The following DYNLT2B variants were observed in gnomAD, a reference collection of about 807,000 sequenced individuals.
DYNLT2B encodes the protein dynein light chain Tctex-type 2B.
Under a neutral mutation model 19.5 loss-of-function variants are expected in DYNLT2B, and 14 were observed. The ratio of observed to expected loss-of-function variants is 0.72; its 90% CI spans 0.47 to 1.12. The LOEUF is 1.12. Ranked by LOEUF, DYNLT2B falls within the 50% of genes most tolerant of loss-of-function variation. The pLI is 0.00. For missense variants in DYNLT2B, 133 were observed against 174.7 expected (o/e 0.76, Z 1.35); for synonymous variants, 70 against 59.7 (o/e 1.17, Z -0.79).
At chr3:196,295,039 G>T (rs1368867481) in intron 4 of DYNLT2B, among the ~76,000 whole-genome samples, 1 of 152,042 alleles carries the variant, frequency 6.6e-6, no homozygotes, top group African/African-American at 2.4e-5. Flanking sequence ...ACCCCACCTG[G>T]CCTCACTCTC....
rs561380504 is a variant in DYNLT2B at position 196,311,358 on chromosome 3, G to A, written c.248-4346C>T. ...TGAGGCTGCAGTGAGCCAAGACTGCGCCACTGCATTCCAGCCTGGCCAACA... is the reference window on the plus strand; with the variant it reads ...TGAGGCTGCAGTGAGCCAAGACTGCACCACTGCATTCCAGCCTGGCCAACA... On this transcript the variant is annotated intron_variant, in intron 2 of 4. Transcript: ENST00000325318. Among the ~76,000 whole-genome samples the A allele has an allele frequency of 6.6e-5, 10 of 150,660 alleles. No individual in the cohort carries two copies. The South Asian group carries it at 1.5e-3, about 22-fold the overall frequency.
At chr3:196,309,875 G>C (rs762655061) in intron 2 of DYNLT2B, among the ~76,000 whole-genome samples, 1 of 151,218 alleles carries the variant, frequency 6.6e-6, no homozygotes, top group Non-Finnish European at 1.5e-5. Flanking sequence ...TTGAACCTGG[G>C]AGGTGGAGGT....
chr3:196,316,891 G>C (rs1726816683), intron 1 of DYNLT2B, among the ~76,000 whole-genome samples: 1 of 36,988 alleles, frequency 2.7e-5, no homozygotes, highest in Non-Finnish European at 6.2e-5. Context: ...ATTTTTTTCA[G>C]TGTGTGTGTG....
chr3:196,303,254 C>A (rs976377145), intron 3 of DYNLT2B, among the ~76,000 whole-genome samples: 2 of 152,100 alleles, frequency 1.3e-5, no homozygotes, highest in Non-Finnish European at 2.9e-5. Flanking sequence ...CTTAAAAACT[C>A]TGCTCCCCGA....
chr3:196,315,353 C>T, intron 2 of DYNLT2B: 1 of 347,642 alleles, frequency 2.9e-6, no homozygotes, highest in Non-Finnish European at 5.5e-6. Context: ...ACCTCCACCT[C>T]CTGGGTTCAA....
At chr3:196,315,270 T>C (rs200428703) in intron 2 of DYNLT2B, 26,409 of 411,294 alleles carry the variant, frequency 0.064, 775 homozygotes, top group Middle Eastern at 0.13. Context: ...ATTTTGCTTT[T>C]TTTTTTTTTT....
In DYNLT2B at chr3:196,291,392, C is replaced by G. The variant is rs1290548127; in HGVS notation, c.382-18G>C. 6.4e-7 allele frequency: 1 copy of G among 1,573,528 alleles called. No individual in the cohort carries two copies. The highest frequency in any genetic ancestry group is 8.7e-7 in the Non-Finnish European group (1 of 1,153,506). On this transcript the variant is annotated intron_variant, in intron 4 of 4. Coordinates refer to ENST00000325318, the MANE Select transcript of DYNLT2B (RefSeq NM_152773.5). ...AAACTGTCCTAAAAAATAAATACAACACACACACACATCCAGAATGTTAGT... is the reference window on the plus strand; with the variant it reads ...AAACTGTCCTAAAAAATAAATACAAGACACACACACATCCAGAATGTTAGT...
In DYNLT2B at chr3:196,311,593, T is replaced by C. The variant is rs1311145957; in HGVS notation, c.247+4505A>G. 2.0e-5 allele frequency among the ~76,000 whole-genome samples: 3 copies of C among 152,220 alleles called. 1 individual carries two copies. The highest frequency in any genetic ancestry group is 4.2e-4 in the South Asian group (2 of 4,816). ...AATAAAGTCTGCAGATTGAAAGCTATAAAATGCTCATTAGAAAGTCAGAAT... is the reference window on the plus strand; with the variant it reads ...AATAAAGTCTGCAGATTGAAAGCTACAAAATGCTCATTAGAAAGTCAGAAT... On this transcript the variant is annotated intron_variant, in intron 2 of 4. Transcript: ENST00000325318.
At chr3:196,306,872 A>G (rs994301761) in intron 3 of DYNLT2B, 71 bp downstream of exon 3, 30 of 1,399,624 alleles carry the variant, frequency 2.1e-5, no homozygotes, top group Non-Finnish European at 2.9e-5. Flanking sequence ...CTCTTACTGA[A>G]TTGTCCAAAG....
chr3:196,318,228 G>A lies in DYNLT2B; in HGVS notation c.-76C>T, dbSNP rs2108800992. The A allele has an allele frequency of 3.6e-6, 3 of 825,962 alleles. No homozygotes were observed. Among genetic ancestry groups the A allele is most frequent in the Non-Finnish European group, 3.5e-6 (2 of 569,400 alleles). 51.2% of individuals were successfully genotyped at this position (825,962 alleles called of 1,614,324 possible). On this transcript the variant is annotated 5_prime_UTR_variant, in exon 1 of 5. Transcript: ENST00000325318. ...GCGGTCGCGGCCGGCAGCAGGGAAAGCGTCTCCAGGGCAACAGGGCCGCCC... is the reference window on the plus strand; with the variant it reads ...GCGGTCGCGGCCGGCAGCAGGGAAAACGTCTCCAGGGCAACAGGGCCGCCC...
chr3:196,317,502 A>C (rs1726906326), intron 1 of DYNLT2B, among the ~76,000 whole-genome samples: 2 of 106,396 alleles, frequency 1.9e-5, no homozygotes, highest in Non-Finnish European at 1.9e-5. Flanking sequence ...TGTGTGTGTA[A>C]AGTTAGTGAT....
intron 2 of DYNLT2B, among the ~76,000 whole-genome samples, chr3:196,308,493 T>C (rs981529533): frequency 6.6e-6 from 1 of 152,198 alleles, no homozygotes; most frequent in Non-Finnish European, 1.5e-5. Context: ...AGCAAAATCC[T>C]GAAAATTCTC....
At chr3:196,305,755 C>T (rs1726468673) in intron 3 of DYNLT2B, 1 of 152,912 alleles carries the variant, frequency 6.5e-6, no homozygotes, top group Middle Eastern at 1.4e-3. Context: ...GAGCCGAGAT[C>T]ATGCCACTGC....
At chr3:196,312,199 C>G (rs62409178) in intron 2 of DYNLT2B, among the ~76,000 whole-genome samples, 128,369 of 151,188 alleles carry the variant, frequency 0.85, 55,018 homozygotes, top group East Asian at 0.98. Context: ...TGTATTTTTA[C>G]TAGAGACGGG....
At chr3:196,308,306 C>T (rs1287978875) in intron 2 of DYNLT2B, among the ~76,000 whole-genome samples, 1 of 151,856 alleles carries the variant, frequency 6.6e-6, no homozygotes, top group Admixed American at 6.6e-5. Flanking sequence ...CCAGGTCAGC[C>T]CCATCTCCCC....
intron 1 of DYNLT2B, among the ~76,000 whole-genome samples, chr3:196,317,075 G>A (rs1304334834): frequency 2.3e-5 from 3 of 130,696 alleles, no homozygotes; most frequent in African/African-American, 8.8e-5. Flanking sequence ...GTGTGTGTGT[G>A]TGTGTGTGTG....
chr3:196,296,104 C>T (rs1294485761), intron 3 of DYNLT2B, 35 bp from the exon 4 acceptor site: 1 of 1,577,588 alleles, frequency 6.3e-7, no homozygotes, highest in Admixed American at 1.7e-5. Context: ...TATCAACAAT[C>T]TAACAAGGAC....
At chr3:196,291,420 T>TA (rs780799485) in intron 4 of DYNLT2B, 46 bp from the exon 5 acceptor site, 1 of 1,572,510 alleles carries the variant, frequency 6.4e-7, no homozygotes, top group Non-Finnish European at 8.6e-7. Context: ...ATGTTAGTAC[T>TA]AAAGAGGGAA....
chr3:196,304,128 G>T (rs988891038), intron 3 of DYNLT2B, among the ~76,000 whole-genome samples: 4 of 151,840 alleles, frequency 2.6e-5, no homozygotes, highest in Non-Finnish European at 4.4e-5. Flanking sequence ...TAAAAACTTG[G>T]TTTTTTTATT....
Sources: allele counts gnomAD v4.1 joint callset (sites outside exome capture counted in the v4.1 genomes callset), GRCh38; gene constraint gnomAD v4.1.1; transcripts MANE v1.5; gene names NCBI Gene and HGNC (gene_info 2026-07-23, HGNC 2026-07-21).